Variants in FBXL17 observed in about 807,000 individuals in gnomAD.
The protein encoded by FBXL17 is F-box/LRR-repeat protein 17.
Under a neutral mutation model 66.2 loss-of-function variants are expected in FBXL17, and 22 were observed. The ratio of observed to expected loss-of-function variants is 0.33; its 90% CI spans 0.24 to 0.47. The LOEUF (loss-of-function observed/expected upper bound fraction) is 0.47. Ranked by LOEUF, FBXL17 falls within the 20% of genes least tolerant of loss-of-function variation. The pLI, the probability that FBXL17 is intolerant of heterozygous loss-of-function variation, is 1.00. For missense variants in FBXL17, 878 were observed against 948.2 expected, an observed-to-expected ratio of 0.93 and a Z score of 0.97; for synonymous variants, 474 against 400.5, an observed-to-expected ratio of 1.18 and a Z score of -2.19.
chr5:108,077,912 T>A (rs1210770423), intron 6 of FBXL17, among the ~76,000 whole-genome samples: 1 of 152,144 alleles, frequency 6.6e-6, no homozygotes, highest in East Asian at 1.9e-4. Flanking sequence ...ACAACTTAAA[T>A]GAACTTCAGG....
chr5:108,063,793 AT>A (rs1337307966), intron 6 of FBXL17, among the ~76,000 whole-genome samples: 1 of 152,180 alleles, frequency 6.6e-6, no homozygotes, highest in African/African-American at 2.4e-5. Context: ...CAAAACAGAT[AT>A]TTATAATAGA....
At chr5:108,055,309 A>AAAAAAAAACAAAAAAAAAAAAAC in intron 6 of FBXL17, among the ~76,000 whole-genome samples, 1 of 22,522 alleles carries the variant, frequency 4.4e-5, no homozygotes, top group African/African-American at 1.9e-4. Flanking sequence ...AAAAAAAAAA[A>AAAAAAAAACAAAAAAAAAAAAAC]AAAAGAAAAA....
intron 7 of FBXL17, among the ~76,000 whole-genome samples, chr5:107,991,530 C>A (rs545012232): frequency 1.3e-5 from 2 of 152,258 alleles, no homozygotes; most frequent in South Asian, 4.1e-4. Context: ...GACTGTTTCC[C>A]TTCTACTATA....
At chr5:107,870,293 G>A (rs756600716) in intron 8 of FBXL17, among the ~76,000 whole-genome samples, 9 of 152,164 alleles carry the variant, frequency 5.9e-5, no homozygotes, top group Non-Finnish European at 1.2e-4. Context: ...AGGTTCTGGG[G>A]AAAAGGAACT....
intron 7 of FBXL17, among the ~76,000 whole-genome samples, chr5:107,946,255 T>TTATATATATATA (rs55643516): frequency 1.2e-4 from 5 of 40,396 alleles, no homozygotes; most frequent in East Asian, 4.7e-4. Context: ...CAATCTCATT[T>TTATATATATATA]TATATATATA....
intron 4 of FBXL17, among the ~76,000 whole-genome samples, chr5:108,276,984 T>C (rs1211786673): frequency 6.6e-6 from 1 of 152,068 alleles, no homozygotes; most frequent in African/African-American, 2.4e-5. Context: ...ACTTCAGACA[T>C]CTTTATGTGA....
intron 6 of FBXL17, among the ~76,000 whole-genome samples, chr5:108,094,895 TG>T (rs575849288): frequency 3.0e-4 from 45 of 150,530 alleles, no homozygotes; most frequent in Admixed American, 2.8e-3. Flanking sequence ...AATAAATGAG[TG>T]ACCTTCTATG....
chr5:107,911,478 T>C (rs573637660), intron 7 of FBXL17, among the ~76,000 whole-genome samples: 4 of 152,270 alleles, frequency 2.6e-5, no homozygotes, highest in Non-Finnish European at 4.4e-5. Context: ...AAAACACTTA[T>C]GTGGTGTTTA....
At chr5:107,885,407 T>C (rs1748932283) in intron 7 of FBXL17, among the ~76,000 whole-genome samples, 1 of 152,180 alleles carries the variant, frequency 6.6e-6, no homozygotes, top group South Asian at 2.1e-4. Flanking sequence ...TTTCTAGGAA[T>C]CTACTCTGAC....
intron 7 of FBXL17, among the ~76,000 whole-genome samples, chr5:107,888,523 T>G (rs1749047947): frequency 6.6e-6 from 1 of 152,192 alleles, no homozygotes; most frequent in Admixed American, 6.5e-5. Context: ...CTTCAGTCAC[T>G]TCTATTCTCC....
intron 6 of FBXL17, among the ~76,000 whole-genome samples, chr5:108,160,842 A>G (rs976910802): frequency 6.6e-6 from 1 of 152,222 alleles, no homozygotes; most frequent in South Asian, 2.1e-4. Context: ...TTCTGTGGGG[A>G]GGTAAGAGTC....
intron 8 of FBXL17, among the ~76,000 whole-genome samples, chr5:107,872,456 A>C (rs1290568657): frequency 1.3e-5 from 2 of 152,258 alleles, no homozygotes; most frequent in Non-Finnish European, 2.9e-5. Flanking sequence ...TTAGCTGTAT[A>C]ATACTTTCAC....
chr5:108,325,394 C>T (rs1053194044), intron 4 of FBXL17, among the ~76,000 whole-genome samples: 3 of 151,776 alleles, frequency 2.0e-5, no homozygotes, highest in African/African-American at 7.3e-5. Flanking sequence ...ATTCTAAGGG[C>T]ACAAAAATAT....
intron 6 of FBXL17, among the ~76,000 whole-genome samples, chr5:108,137,016 T>C (rs529281935): frequency 5.8e-4 from 88 of 152,310 alleles, no homozygotes; most frequent in Middle Eastern, 3.4e-3. Flanking sequence ...CATCATCCAA[T>C]CTTTCAAAGG....
chr5:107,902,158 T>C (rs1429911078), intron 7 of FBXL17, among the ~76,000 whole-genome samples: 1 of 152,150 alleles, frequency 6.6e-6, no homozygotes, highest in African/African-American at 2.4e-5. Context: ...CGTACTATGC[T>C]GTGGTTTTTT....
intron 7 of FBXL17, among the ~76,000 whole-genome samples, chr5:108,013,636 A>T (rs1415062973): frequency 6.6e-6 from 1 of 152,176 alleles, no homozygotes; most frequent in Non-Finnish European, 1.5e-5. Context: ...AGTACTTCCC[A>T]TCCATCTCTG....
At chr5:108,126,651 CTATATATATATACATATATATA>C (rs1554067325) in intron 6 of FBXL17, among the ~76,000 whole-genome samples, 1 of 108,042 alleles carries the variant, frequency 9.3e-6, no homozygotes, top group Non-Finnish European at 2.0e-5. Flanking sequence ...CTCTCTCTCT[CTATATATATATACATATATATA>C]TATATATATA....
intron 4 of FBXL17, among the ~76,000 whole-genome samples, chr5:108,268,580 T>C (rs912976833): frequency 6.6e-6 from 1 of 152,024 alleles, no homozygotes; most frequent in South Asian, 2.1e-4. Flanking sequence ...ATCAGAACTA[T>C]GTTGAATGTA....
At position 108,113,311 on chromosome 5, in the gene FBXL17, C is replaced by G. The variant is rs148122517; in HGVS notation, c.1745+72806G>C. ...GGATGTAATCTGCAACTTTAAAACA[C>G]ACTTTAACTACTGAGCCTTTAAATC... On this transcript the variant is annotated intron_variant, in intron 6 of 8. Transcript: ENST00000542267. Among the ~76,000 whole-genome samples the G allele has an allele frequency of 3.5e-3, 526 of 152,212 alleles. 2 individuals are homozygous for G. The highest frequency in any genetic ancestry group is 0.012 in the African/African-American group (508 of 41,538).
Sources: allele counts gnomAD v4.1 joint callset (sites outside exome capture counted in the v4.1 genomes callset), GRCh38; gene constraint gnomAD v4.1.1; transcripts MANE v1.5; gene names NCBI Gene and HGNC (gene_info 2026-07-23, HGNC 2026-07-21).